Variants in HIC1 observed in about 807,000 individuals in gnomAD.
HIC1 encodes HIC ZBTB transcriptional repressor 1.
In HIC1, 9 loss-of-function variants were observed where a neutral mutation model predicts 26.4. That is an observed-to-expected ratio of 0.34 (90% CI 0.21 to 0.59). HIC1 has a LOEUF of 0.59. Among genes scored for constraint, HIC1 ranks in the 20% least tolerant of loss-of-function variants. The probability of loss-of-function intolerance (pLI) is 0.82; values close to 1 mark genes in which losing one functional copy is unlikely to be tolerated. For missense variants in HIC1, 965 were observed against 1,075.7 expected, an observed-to-expected ratio of 0.90 and a Z score of 1.44; for synonymous variants, 631 against 523.1, an observed-to-expected ratio of 1.21 and a Z score of -2.81.
Position 2,058,991 on chromosome 17 carries a change from T to C in HIC1, c.*156T>C. Reference sequence around the variant, plus strand: ...TCTCGGCGGCCTCACCTGGCCTCACTGCTTCGTGCCTTAGCTCGGGGGTCG... The same window carrying C: ...TCTCGGCGGCCTCACCTGGCCTCACCGCTTCGTGCCTTAGCTCGGGGGTCG... On this transcript the variant is annotated 3_prime_UTR_variant, in exon 2 of 2. Coordinates refer to ENST00000619757, the MANE Select transcript of HIC1 (RefSeq NM_006497.4). The C allele has an allele frequency of 1.6e-6, 1 of 618,678 alleles. No individual in the cohort carries two copies. The highest frequency in any genetic ancestry group is 2.6e-6 in the Non-Finnish European group (1 of 388,242). 38.3% of individuals were successfully genotyped at this position (618,678 alleles called of 1,614,324 possible).
chr17:2,056,417 G>A (rs574913308), intron 1 of HIC1: 67 of 1,519,848 alleles, frequency 4.4e-5, no homozygotes, highest in Non-Finnish European at 5.8e-5. Flanking sequence ...CCAGCCAGGT[G>A]CCCTGGGGCG....
At position 2,057,693 on chromosome 17, in the gene HIC1, G is replaced by A. The variant is rs767823724; in HGVS notation, c.1003G>A (p.Glu335Lys). The A allele has an allele frequency of 4.1e-5, 61 of 1,486,330 alleles. No homozygotes were observed. The highest frequency in any genetic ancestry group is 5.3e-5 in the Non-Finnish European group (60 of 1,124,780). The allele number at this position is 1,486,330 out of a possible 1,614,324, so 92.1% of individuals were successfully genotyped here. ...GGGCCGGGAGCGCGGCTCCCCCAGC[G>A]AGCGCTGCGAAGAGCGTGGTGGGGA... Reference protein sequence around the residue: ...ELGRERGSPSERCEERGGDAA... With the variant: ...ELGRERGSPSKRCEERGGDAA... Residue 335 changes from glutamate (E) to lysine (K), a missense_variant, in exon 2 of 2, where the codon GAG (glutamate) becomes AAG (lysine). This residue lies in a region of HIC1 where 526 missense variants were observed against 525.0 expected (regional missense o/e 1.00). Coordinates refer to ENST00000619757, the MANE Select transcript of HIC1 (RefSeq NM_006497.4).
Position 2,060,378 on chromosome 17 carries a change from G to A in HIC1, c.*1543G>A, listed in dbSNP as rs1050993340. The A allele has an allele frequency of 2.6e-5, 4 of 152,272 alleles. No homozygotes were observed. Among genetic ancestry groups the A allele is most frequent in the Admixed American group, 6.5e-5 (1 of 15,288 alleles). 9.4% of individuals were successfully genotyped at this position (152,272 alleles called of 1,614,324 possible). ...GGCAAAGCTAGAAACCAGGTTAGGC[G>A]ACGGTGCCCCAGCACTGGAATGCCT... On this transcript the variant is annotated 3_prime_UTR_variant, in exon 2 of 2. Transcript: ENST00000619757.
rs1266452431 is a variant in HIC1, at chr17:2,055,862, C to T, written c.-21+624C>T. Among the ~76,000 whole-genome samples the T allele has an allele frequency of 6.6e-6, 1 of 151,044 alleles. No homozygotes were observed. The highest frequency in any genetic ancestry group is 1.5e-5 in the Non-Finnish European group (1 of 67,680). ...CCGGGGGAGAAGGGGCCGGGGGAGC[C>T]GCGGAGGGAGGCGCCGGGCCCGCGC... On this transcript the variant is annotated intron_variant, in intron 1 of 1. Transcript: ENST00000619757. The surrounding 1 kb of genome is among the most constrained non-coding windows in gnomAD (Gnocchi z 6.4).
rs1555528757 is a variant in HIC1, at chr17:2,061,464, A to AT, written c.*2629_*2630insT. ...CTGGTGGCCTTTCAGGAACGGTTCC[A>AT]CGGGGGGGGGGCCCCAGTGTGGCTC... On this transcript the variant is annotated 3_prime_UTR_variant, in exon 2 of 2. Coordinates refer to ENST00000619757, the MANE Select transcript of HIC1 (RefSeq NM_006497.4). 18 of 1,239,994 alleles carry AT rather than the reference A, an allele frequency of 1.5e-5. No homozygotes were observed. Among genetic ancestry groups the AT allele is most frequent in the Admixed American group, 9.9e-5 (4 of 40,412 alleles). The allele number at this position is 1,239,994 out of a possible 1,614,324, so 76.8% of individuals were successfully genotyped here.
chr17:2,056,371 G>T, intron 1 of HIC1: 1 of 1,609,502 alleles, frequency 6.2e-7, no homozygotes, highest in South Asian at 1.1e-5. Flanking sequence ...AAGGGTCACT[G>T]CGCCTGAACA....
At position 2,058,569 on chromosome 17, in the gene HIC1, C is replaced by A; in HGVS notation, c.1879C>A (p.Pro627Thr). 1 of 1,557,280 alleles carries A rather than the reference C, an allele frequency of 6.4e-7. No homozygotes were observed. The highest frequency in any genetic ancestry group is 2.5e-5 in the East Asian group (1 of 39,660). ...GPDGKGKLDF[P>T]EGVFAVARLT... ...CGACGGCAAGGGCAAGCTCGACTTC[C>A]CCGAGGGCGTCTTTGCTGTGGCTCG... The change falls in exon 2 of 2, where the codon CCC becomes ACC. Residue 627 changes from proline (P) to threonine (T), a missense_variant. Pro to Thr is a conservative substitution (Grantham distance 38). Transcript: ENST00000619757.
In HIC1 at chr17:2,061,689, A is replaced by C. The variant is rs1597310745; in HGVS notation, c.*2854A>C. 1 of 1,513,886 alleles carries C rather than the reference A, an allele frequency of 6.6e-7. No homozygotes were observed. Among genetic ancestry groups the C allele is most frequent in the Non-Finnish European group, 8.9e-7 (1 of 1,121,462 alleles). The allele number at this position is 1,513,886 out of a possible 1,614,324, so 93.8% of individuals were successfully genotyped here. ...AGGCAGAGGGCTGGCTGCTCTTCTC[A>C]CCCTGGAGAATGTGGTCCTGGGGAG... is the stretch of plus-strand genomic sequence containing the variant. On this transcript the variant is annotated 3_prime_UTR_variant, in exon 2 of 2. Transcript: ENST00000619757.
Position 2,061,422 on chromosome 17 carries a change from CGT to C in HIC1, c.*2589_*2590del. The stretch of plus-strand genomic sequence containing the variant: ...GTGGCTCAGGCACGTGGGCATCTTC[CGT>C]GCTACACTGGGCGCCTGGTGGCCTT... On this transcript the variant is annotated 3_prime_UTR_variant, in exon 2 of 2. Coordinates refer to ENST00000619757, the MANE Select transcript of HIC1 (RefSeq NM_006497.4). The C allele has an allele frequency of 6.8e-7, 1 of 1,464,010 alleles. No individual in the cohort carries two copies. The highest frequency in any genetic ancestry group is 9.2e-7 in the Non-Finnish European group (1 of 1,090,428). 90.7% of individuals were successfully genotyped at this position (1,464,010 alleles called of 1,614,324 possible).
Position 2,058,488 on chromosome 17 carries a change from G to C in HIC1, c.1798G>C (p.Ala600Pro). ...HMKMHAVGGA[A>P]GAAGALAGLG... ...GAAGATGCACGCCGTGGGGGGCGCG[G>C]CCGGCGCGGCCGGGGCGCTGGCGGG... Residue 600 changes from alanine (A) to proline (P), a missense_variant, in exon 2 of 2, where the codon GCC becomes CCC. Ala to Pro is a conservative substitution (Grantham distance 27). Transcript: ENST00000619757. 1 of 1,478,414 alleles carries C rather than the reference G, an allele frequency of 6.8e-7. No individual in the cohort carries two copies. The highest frequency in any genetic ancestry group is 8.9e-7 in the Non-Finnish European group (1 of 1,124,214). 91.6% of individuals were successfully genotyped at this position (1,478,414 alleles called of 1,614,324 possible). A position where few individuals can be genotyped will look rare whatever the true frequency, so the allele number is the denominator to read the frequency against.
rs753511807 is a variant in HIC1 at position 2,057,588 on chromosome 17, C to T, written c.898C>T (p.Pro300Ser). The T allele has an allele frequency of 1.3e-5, 20 of 1,504,702 alleles. No individual in the cohort carries two copies. Among genetic ancestry groups the T allele is most frequent in the Non-Finnish European group, 1.8e-5 (20 of 1,132,322 alleles). The allele number at this position is 1,504,702 out of a possible 1,614,324, so 93.2% of individuals were successfully genotyped here. ...GGSGSPGPEPPGRPDGPSLLY... is the reference protein window; with the variant it reads ...GGSGSPGPEPSGRPDGPSLLY... The stretch of plus-strand genomic sequence containing the variant: ...CAGCGGCAGCCCGGGACCCGAGCCC[C>T]CCGGCCGCCCCGACGGGCCTAGTCT... The change falls in exon 2 of 2, where the codon CCC (proline) becomes TCC (serine). Residue 300 changes from proline to serine, a missense_variant. By Grantham distance (74) the Pro-to-Ser change is moderately conservative. Around this residue, in one of 6 missense-constraint regions of HIC1, gnomAD observed 526 missense variants for 525.0 expected, o/e 1.00. Transcript: ENST00000619757.
chr17:2,058,825 C>A lies in HIC1; in HGVS notation c.2135C>A (p.Ser712Tyr). ...GACGGCCGGACCATCGACCGTTTCT[C>A]TCCCACCTAGAGCGCCCCTCGCCAG... ...GPDGRTIDRFSPT is the reference protein window; with the variant it reads ...GPDGRTIDRFYPT Residue 712 changes from serine (S) to tyrosine (Y), a missense_variant, in exon 2 of 2, where the codon TCT becomes TAT. Transcript: ENST00000619757. The A allele has an allele frequency of 6.7e-7, 1 of 1,481,924 alleles. No individual in the cohort carries two copies. 91.8% of individuals were successfully genotyped at this position (1,481,924 alleles called of 1,614,324 possible). A position where few individuals can be genotyped will look rare whatever the true frequency, so the allele number is the denominator to read the frequency against.
Position 2,057,964 on chromosome 17 carries a change from A to T in HIC1, c.1274A>T (p.Lys425Met). Residue 425 changes from lysine to methionine, a missense_variant, in exon 2 of 2, where the codon AAG (lysine) becomes ATG (methionine). Lys to Met is a moderately conservative substitution (Grantham distance 95). Transcript: ENST00000619757. ...DNLYVCIPCG[K>M]GFPSSEQLNA... ...CTGTACGTGTGCATTCCGTGCGGCA[A>T]GGGCTTCCCCAGCTCTGAGCAGCTG... 1.2e-6 allele frequency: 2 copies of T among 1,610,622 alleles called. No homozygotes were observed. The highest frequency in any genetic ancestry group is 1.7e-6 in the Non-Finnish European group (2 of 1,178,912).
rs910328688 is a variant in HIC1 at position 2,055,339 on chromosome 17, A to C, written c.-21+101A>C. On this transcript the variant is annotated intron_variant, in intron 1 of 1. Coordinates refer to ENST00000619757, the MANE Select transcript of HIC1 (RefSeq NM_006497.4). The surrounding 1 kb of genome is among the most constrained non-coding windows in gnomAD (Gnocchi z 6.4). ...GTGCATCTTCTGGCGCGGGTGCCCC[A>C]TCGCGGCTGGCGGCTGGCGTTCAGG... The C allele has an allele frequency of 1.3e-5, 2 of 151,910 alleles. No individual in the cohort carries two copies. The highest frequency in any genetic ancestry group is 4.8e-5 in the African/African-American group (2 of 41,376). 9.4% of individuals were successfully genotyped at this position (151,910 alleles called of 1,614,324 possible).
At position 2,056,873 on chromosome 17, in the gene HIC1, C is replaced by T; in HGVS notation, c.183C>T (p.Asn61=). ...AYLKSLVVHD[N]LLNLDHDMVS... is the part of the protein sequence containing the mutation. ...TCAAGTCCCTGGTGGTGCATGACAA[C>T]CTGCTCAACCTGGACCATGACATGG... is the stretch of plus-strand genomic sequence containing the variant. The change falls in exon 2 of 2, where the codon AAC becomes AAT. Residue 61 remains asparagine, a synonymous_variant. Coordinates refer to ENST00000619757, the MANE Select transcript of HIC1 (RefSeq NM_006497.4). The T allele has an allele frequency of 1.2e-6, 2 of 1,612,950 alleles. No homozygotes were observed. Among genetic ancestry groups the T allele is most frequent in the East Asian group, 2.2e-5 (1 of 44,882 alleles).
rs1260034243 is a variant in HIC1 at position 2,059,735 on chromosome 17, G to C, written c.*900G>C. On this transcript the variant is annotated 3_prime_UTR_variant, in exon 2 of 2. Transcript: ENST00000619757. The stretch of plus-strand genomic sequence containing the variant: ...TGCCCCTGCACAAGGACCTGGATGG[G>C]CTGCGCCCGCTGGGTGGAGGAGCCA... 1 of 166,996 alleles carries C rather than the reference G, an allele frequency of 6.0e-6. No individual in the cohort carries two copies. The highest frequency in any genetic ancestry group is 1.9e-4 in the East Asian group (1 of 5,180). The allele number at this position is 166,996 out of a possible 1,614,324, so 10.3% of individuals were successfully genotyped here. A position where few individuals can be genotyped will look rare whatever the true frequency, so the allele number is the denominator to read the frequency against.
At position 2,059,084 on chromosome 17, in the gene HIC1, C is replaced by G. The variant is rs2151370993; in HGVS notation, c.*249C>G. 2 of 440,640 alleles carry G rather than the reference C, an allele frequency of 4.5e-6. No homozygotes were observed. Among genetic ancestry groups the G allele is most frequent in the South Asian group, 1.1e-4 (2 of 18,132 alleles). 27.3% of individuals were successfully genotyped at this position (440,640 alleles called of 1,614,324 possible). On this transcript the variant is annotated 3_prime_UTR_variant, in exon 2 of 2. Coordinates refer to ENST00000619757, the MANE Select transcript of HIC1 (RefSeq NM_006497.4). ...TTATATTTTTGATATCAGCTTTGAC[C>G]AAAGGAGACCCCAGGCCCCTCCCGC...
chr17:2,058,106 C>T lies in HIC1; in HGVS notation c.1416C>T (p.Asp472=), dbSNP rs201813917. The part of the protein sequence containing the change: ...GLGPPFGGGG[D]KVAGAPGGLG... The stretch of plus-strand genomic sequence containing the variant: ...GGCCCCCTTTTGGAGGCGGCGGGGA[C>T]AAGGTCGCCGGGGCTCCGGGTGGCC... The change falls in exon 2 of 2, where the codon GAC becomes GAT. Residue 472 remains aspartate, a synonymous_variant. Coordinates refer to ENST00000619757, the MANE Select transcript of HIC1 (RefSeq NM_006497.4). 4.2e-3 allele frequency: 6,740 copies of T among 1,595,892 alleles called. 18 individuals carry two copies. Among genetic ancestry groups the T allele is most frequent in the Non-Finnish European group, 5.0e-3 (5,821 of 1,174,574 alleles).
rs2067722670 is a variant in HIC1 at position 2,059,883 on chromosome 17, G to T, written c.*1048G>T. 1 of 162,002 alleles carries T rather than the reference G, an allele frequency of 6.2e-6. No homozygotes were observed. The highest frequency in any genetic ancestry group is 2.4e-5 in the African/African-American group (1 of 41,446). The allele number at this position is 162,002 out of a possible 1,614,324, so 10.0% of individuals were successfully genotyped here. The stretch of plus-strand genomic sequence containing the variant: ...AAAATTTATTAAGGAAACAAAACCA[G>T]TGCTGCAAACGGGACAGAAAGGAGA... On this transcript the variant is annotated 3_prime_UTR_variant, in exon 2 of 2. Coordinates refer to ENST00000619757, the MANE Select transcript of HIC1 (RefSeq NM_006497.4).
Sources: allele counts gnomAD v4.1 joint callset (sites outside exome capture counted in the v4.1 genomes callset), GRCh38; gene constraint gnomAD v4.1.1; regional missense constraint gnomAD v4.1.1; non-coding constraint Gnocchi (gnomAD v3.1); transcripts MANE v1.5; gene names NCBI Gene and HGNC (gene_info 2026-07-23, HGNC 2026-07-21).